Variants in ADPRH observed in about 807,000 individuals in gnomAD.
The protein encoded by ADPRH is ADP-ribose-L-arginine cleaving enzyme.
Under a neutral mutation model 28.8 loss-of-function variants are expected in ADPRH, and 27 were observed. The ratio of observed to expected loss-of-function variants is 0.94; its 90% CI spans 0.69 to 1.29. The LOEUF is 1.29. Among genes scored for constraint, ADPRH ranks in the 50% most tolerant of loss-of-function variants. The pLI, the probability that ADPRH is intolerant of heterozygous loss-of-function variation, is 0.00. For missense variants in ADPRH, 419 were observed against 444.8 expected (o/e 0.94, Z 0.52); for synonymous variants, 161 against 166.9 (o/e 0.96, Z 0.27).
intron 3 of ADPRH, among the ~76,000 whole-genome samples, chr3:119,585,916 CACTA>C (rs898082726): frequency 6.6e-6 from 1 of 152,186 alleles, no homozygotes; most frequent in African/African-American, 2.4e-5. Flanking sequence ...TTTACCCAGC[CACTA>C]ACTAGCTGAT....
At chr3:119,586,235 C>G in intron 3 of ADPRH, 50 bp from the exon 4 acceptor site, 1 of 1,598,020 alleles carries the variant, frequency 6.3e-7, no homozygotes, top group Non-Finnish European at 8.5e-7. Flanking sequence ...CCTGCTGGGG[C>G]CTTTGCTTTG....
In ADPRH at chr3:119,587,746, G is replaced by A. The variant is rs773103548; in HGVS notation, c.942G>A (p.Trp314Ter). ...CAGCTGCCATTGCTGGCTGCTGGTG[G>A]GGAGTTATGTATGGTTTTAAAGGAG... ...DSTAAIAGCW[W>*]GVMYGFKGVS... The change falls in exon 5 of 5, where the codon TGG (tryptophan) becomes TGA (stop). Residue 314 changes from tryptophan (W) to a stop codon, truncating the protein, a stop_gained. Transcript: ENST00000357003. LOFTEE classifies it high-confidence loss of function. 1 of 1,614,172 alleles carries A rather than the reference G, an allele frequency of 6.2e-7. No homozygotes were observed. Among genetic ancestry groups the A allele is most frequent in the Non-Finnish European group, 8.5e-7 (1 of 1,180,022 alleles).
chr3:119,585,726 T>A (rs969554132), intron 3 of ADPRH, among the ~76,000 whole-genome samples: 16 of 152,184 alleles, frequency 1.1e-4, no homozygotes, highest in African/African-American at 3.9e-4. Context: ...GTTTTTTGTA[T>A]TTTTAGTAGA....
chr3:119,583,847 G>A (rs894695945), intron 3 of ADPRH, among the ~76,000 whole-genome samples: 2 of 151,794 alleles, frequency 1.3e-5, no homozygotes, highest in Admixed American at 6.6e-5. Flanking sequence ...GCACGATCTC[G>A]GCTCACTGCA....
At chr3:119,582,071 G>GTGGTTTTTTTTTT in intron 2 of ADPRH, 63 bp from the exon 3 acceptor site, 1 of 1,268,980 alleles carries the variant, frequency 7.9e-7, no homozygotes. Flanking sequence ...AGCTAGAGTC[G>GTGGTTTTTTTTTT]TTGTTTTTTC....
rs897290367 is a variant in ADPRH, at chr3:119,579,684, G to A, written c.-290G>A. The stretch of plus-strand genomic sequence containing the variant: ...CTCAGCGCGGCCAAGCGCAGGTGCG[G>A]GGGCCCTCGCCGCCACCCTGCTTAT... On this transcript the variant is annotated 5_prime_UTR_variant, in exon 1 of 5. Coordinates refer to ENST00000357003, the MANE Select transcript of ADPRH (RefSeq NM_001125.4). 6.6e-6 allele frequency: 1 copy of A among 152,390 alleles called. No individual in the cohort carries two copies. Among genetic ancestry groups the A allele is most frequent in the African/African-American group, 2.4e-5 (1 of 41,474 alleles). The allele number at this position is 152,390 out of a possible 1,614,324, so 9.4% of individuals were successfully genotyped here. A position where few individuals can be genotyped will look rare whatever the true frequency, so the allele number is the denominator to read the frequency against.
chr3:119,586,776 C>G, intron 4 of ADPRH, 131 bp downstream of exon 4: 2 of 1,306,592 alleles, frequency 1.5e-6, no homozygotes, highest in South Asian at 3.0e-5. Context: ...CCCTTTCTAC[C>G]CATCTGCTAA....
rs1225509869 is a variant in ADPRH, at chr3:119,582,485, G to C, written c.298+18G>C. On this transcript the variant is annotated intron_variant, in intron 3 of 4. Transcript: ENST00000357003. ...GGCACCAGGTGAGCACAGCCGGTGG[G>C]AGGTGCAAGGAGGGCAAAGAATAAA... 4 of 1,600,862 alleles carry C rather than the reference G, an allele frequency of 2.5e-6. No homozygotes were observed. Among genetic ancestry groups the C allele is most frequent in the Admixed American group, 3.4e-5 (2 of 59,022 alleles).
chr3:119,589,092 A>G lies in ADPRH; in HGVS notation c.*1214A>G, dbSNP rs1466776472. ...TTGTCCTTCAAGACCCAACTCAGAT[A>G]GATAGAGCTTCCTGAGTGAAACCTG... is the stretch of plus-strand genomic sequence containing the variant. On this transcript the variant is annotated 3_prime_UTR_variant, in exon 5 of 5. Coordinates refer to ENST00000357003, the MANE Select transcript of ADPRH (RefSeq NM_001125.4). 1 of 152,266 alleles carries G rather than the reference A, an allele frequency of 6.6e-6. No individual in the cohort carries two copies. The highest frequency in any genetic ancestry group is 1.5e-5 in the Non-Finnish European group (1 of 68,068). The allele number at this position is 152,266 out of a possible 1,614,324, so 9.4% of individuals were successfully genotyped here.
chr3:119,589,880 G>A lies in ADPRH; in HGVS notation c.*2002G>A, dbSNP rs2082500455. ...AGAGAAGGGAGGATGAGAACGAATG[G>A]GGGGAAGAGATAAACTTTATGCATA... On this transcript the variant is annotated 3_prime_UTR_variant, in exon 5 of 5. Transcript: ENST00000357003. 6.6e-6 allele frequency: 1 copy of A among 152,158 alleles called. No individual in the cohort carries two copies. Among genetic ancestry groups the A allele is most frequent in the Non-Finnish European group, 1.5e-5 (1 of 68,022 alleles). 9.4% of individuals were successfully genotyped at this position (152,158 alleles called of 1,614,324 possible). A position where few individuals can be genotyped will look rare whatever the true frequency, so the allele number is the denominator to read the frequency against.
intron 2 of ADPRH, 129 bp downstream of exon 2, chr3:119,580,765 G>A (rs1231896454): frequency 6.6e-6 from 1 of 152,174 alleles, no homozygotes; most frequent in Non-Finnish European, 1.5e-5. Context: ...AAAGCCACAG[G>A]GAGAAGGGAA....
Position 119,587,911 on chromosome 3 carries a change from C to CT in ADPRH, c.*37dup. On this transcript the variant is annotated 3_prime_UTR_variant, in exon 5 of 5. Transcript: ENST00000357003. ...TGATGTTCACTTCTGATGGATTCTT[C>CT]TTTTGTGTATTTCCTTTTCTGCTAT... is the stretch of plus-strand genomic sequence containing the variant. 1 of 1,527,742 alleles carries CT rather than the reference C, an allele frequency of 6.5e-7. No homozygotes were observed. The highest frequency in any genetic ancestry group is 8.8e-7 in the Non-Finnish European group (1 of 1,140,390). The allele number at this position is 1,527,742 out of a possible 1,614,324, so 94.6% of individuals were successfully genotyped here. A position where few individuals can be genotyped will look rare whatever the true frequency, so the allele number is the denominator to read the frequency against.
At position 119,586,764 on chromosome 3, in the gene ADPRH, C is replaced by T. The variant is rs931294724; in HGVS notation, c.659+119C>T. On this transcript the variant is annotated intron_variant, in intron 4 of 4. Coordinates refer to ENST00000357003, the MANE Select transcript of ADPRH (RefSeq NM_001125.4). ...CAACCCTCATGGTTTTCACCCCCAG[C>T]CCCCTTTCTACCCATCTGCTAAGGA... The T allele has an allele frequency of 7.8e-6, 11 of 1,405,706 alleles. No individual in the cohort carries two copies. In the South Asian group the frequency reaches 1.5e-4, roughly 19 times the overall value. The allele number at this position is 1,405,706 out of a possible 1,614,324, so 87.1% of individuals were successfully genotyped here. A position where few individuals can be genotyped will look rare whatever the true frequency, so the allele number is the denominator to read the frequency against.
chr3:119,587,906 T>C lies in ADPRH; in HGVS notation c.*28T>C, dbSNP rs2082480477. On this transcript the variant is annotated 3_prime_UTR_variant, in exon 5 of 5. Coordinates refer to ENST00000357003, the MANE Select transcript of ADPRH (RefSeq NM_001125.4). ...AGACGTGATGTTCACTTCTGATGGA[T>C]TCTTCTTTTGTGTATTTCCTTTTCT... The C allele has an allele frequency of 6.5e-7, 1 of 1,535,440 alleles. No individual in the cohort carries two copies. Among genetic ancestry groups the C allele is most frequent in the Non-Finnish European group, 8.7e-7 (1 of 1,144,040 alleles).
In ADPRH at chr3:119,586,313, G is replaced by C. The variant is rs769932531; in HGVS notation, c.327G>C (p.Gln109His). ...GTGCCTCGGTGCACAACGCCATGCA[G>C]CTGAAGCCGGGCAAGCCCAATGGCT... ...PGGASVHNAM[Q>H]LKPGKPNGWR... Residue 109 changes from glutamine to histidine, a missense_variant, in exon 4 of 5, where the codon CAG becomes CAC. Coordinates refer to ENST00000357003, the MANE Select transcript of ADPRH (RefSeq NM_001125.4). 1.3e-5 allele frequency: 21 copies of C among 1,613,618 alleles called. No individual in the cohort carries two copies. Among genetic ancestry groups the C allele is most frequent in the Non-Finnish European group, 1.8e-5 (21 of 1,180,056 alleles).
In ADPRH at chr3:119,587,935, A is replaced by G. The variant is rs895229795; in HGVS notation, c.*57A>G. The G allele has an allele frequency of 6.7e-7, 1 of 1,498,162 alleles. No homozygotes were observed. The highest frequency in any genetic ancestry group is 8.9e-7 in the Non-Finnish European group (1 of 1,126,370). 92.8% of individuals were successfully genotyped at this position (1,498,162 alleles called of 1,614,324 possible). A position where few individuals can be genotyped will look rare whatever the true frequency, so the allele number is the denominator to read the frequency against. ...TCTTTTGTGTATTTCCTTTTCTGCT[A>G]TTTCTTTTCAGTTTTTCCAAAGTCA... On this transcript the variant is annotated 3_prime_UTR_variant, in exon 5 of 5. Coordinates refer to ENST00000357003, the MANE Select transcript of ADPRH (RefSeq NM_001125.4).
chr3:119,582,096 C>T (rs1429829558), intron 2 of ADPRH, 38 bp from the exon 3 acceptor site: 4 of 992,588 alleles, frequency 4.0e-6, no homozygotes, highest in African/African-American at 3.4e-5. Context: ...TCTTCTTGCT[C>T]CTCATCCTAT....
rs374594580 is a variant in ADPRH at position 119,584,130 on chromosome 3, T to C, written c.298+1663T>C. ...ATATGTATTTCTGTGTTGAGAAAGA[T>C]CTTGAAGAACATGTACAAAGATGTT... On this transcript the variant is annotated intron_variant, in intron 3 of 4. Transcript: ENST00000357003. 9.9e-5 allele frequency among the ~76,000 whole-genome samples: 15 copies of C among 152,256 alleles called. No homozygotes were observed. The East Asian group carries it at 2.5e-3, about 25-fold the overall frequency.
chr3:119,582,610 G>C, intron 3 of ADPRH, 143 bp downstream of exon 3: 1 of 1,034,248 alleles, frequency 9.7e-7, no homozygotes, highest in Non-Finnish European at 1.4e-6. Context: ...GGCCATGGTG[G>C]TGGCTCATAC....
Sources: allele counts gnomAD v4.1 joint callset (sites outside exome capture counted in the v4.1 genomes callset), GRCh38; gene constraint gnomAD v4.1.1; transcripts MANE v1.5; gene names NCBI Gene and HGNC (gene_info 2026-07-23, HGNC 2026-07-21).